SRFBP1: variants seen among roughly 807,000 people sequenced by gnomAD.
SRFBP1 encodes serum response factor-binding protein 1.
Under a neutral mutation model 45.5 loss-of-function variants are expected in SRFBP1, and 47 were observed. The observed-to-expected ratio is 1.03, with a 90% CI of 0.82 to 1.32. The LOEUF (loss-of-function observed/expected upper bound fraction) is 1.32. Among genes scored for constraint, SRFBP1 ranks in the 40% most tolerant of loss-of-function variants. The pLI is 0.00. For synonymous variants in SRFBP1, 203 were observed against 166.3 expected, an observed-to-expected ratio of 1.22 and a Z score of -1.70; for missense variants, 621 against 484.6, an observed-to-expected ratio of 1.28 and a Z score of -2.64.
chr5:121,976,664 C>G lies in SRFBP1; in HGVS notation c.198+1277C>G, dbSNP rs2112820630. Reference sequence around the variant, plus strand: ...GTCATTTTTGTAGTCTTAAATTATTCAGAGGCTTTGAGCTACTATATAATT... The same window carrying G: ...GTCATTTTTGTAGTCTTAAATTATTGAGAGGCTTTGAGCTACTATATAATT... On this transcript the variant is annotated intron_variant, in intron 3 of 7. Transcript: ENST00000339397. Among the ~76,000 whole-genome samples, 3 of 151,320 alleles carry G rather than the reference C, an allele frequency of 2.0e-5. No individual in the cohort carries two copies. In the South Asian group the frequency reaches 6.3e-4, roughly 32 times the overall value.
intron 2 of SRFBP1, among the ~76,000 whole-genome samples, chr5:122,044,514 TA>T (rs1232195266): frequency 2.0e-5 from 3 of 151,380 alleles, no homozygotes; most frequent in East Asian, 2.0e-4. Flanking sequence ...CAGCATCTAT[TA>T]TTTTTTTTTT....
chr5:121,977,799 A>G (rs1226422994), intron 3 of SRFBP1, among the ~76,000 whole-genome samples: 5 of 152,072 alleles, frequency 3.3e-5, no homozygotes, highest in Non-Finnish European at 2.9e-5. Context: ...ATTTTTAGAA[A>G]TGAGAGTTTG....
chr5:122,055,510 TAC>T (rs1561410806), intron 2 of SRFBP1, among the ~76,000 whole-genome samples: 2 of 152,322 alleles, frequency 1.3e-5, no homozygotes, highest in East Asian at 1.9e-4. Flanking sequence ...CCAAATTCTA[TAC>T]AGTTTTAAAA....
chr5:122,036,430 T>G (rs903375647), intron 2 of SRFBP1, among the ~76,000 whole-genome samples: 8 of 152,090 alleles, frequency 5.3e-5, no homozygotes, highest in African/African-American at 1.7e-4. Context: ...GAGAAATAAG[T>G]ACATCCTGAG....
chr5:122,052,153 G>A (rs780486910), intron 2 of SRFBP1, among the ~76,000 whole-genome samples: 2 of 152,184 alleles, frequency 1.3e-5, no homozygotes, highest in African/African-American at 4.8e-5. Flanking sequence ...TAGATGACCT[G>A]CCTCTTCTCT....
intron 2 of SRFBP1, among the ~76,000 whole-genome samples, chr5:122,055,495 G>A (rs1462623747): frequency 6.6e-6 from 1 of 152,160 alleles, no homozygotes; most frequent in Non-Finnish European, 1.5e-5. Flanking sequence ...AAATAATACA[G>A]CAAACCAAAT....
At chr5:122,039,511 A>G (rs922901898) in intron 2 of SRFBP1, among the ~76,000 whole-genome samples, 4 of 152,172 alleles carry the variant, frequency 2.6e-5, no homozygotes, top group Non-Finnish European at 4.4e-5. Context: ...AAGTTAGGCA[A>G]ATTCTGGCCA....
At chr5:121,970,693 T>C (rs776907990) in intron 1 of SRFBP1, among the ~76,000 whole-genome samples, 1 of 152,096 alleles carries the variant, frequency 6.6e-6, no homozygotes, top group Non-Finnish European at 1.5e-5. Context: ...AAATATATTA[T>C]GCATTTGAAA....
chr5:122,055,846 G>T (rs1580547931), intron 2 of SRFBP1, among the ~76,000 whole-genome samples: 2 of 152,278 alleles, frequency 1.3e-5, no homozygotes, highest in East Asian at 3.9e-4. Context: ...CCAGTGAAAG[G>T]AAGAAATAAA....
intron 4 of SRFBP1, among the ~76,000 whole-genome samples, chr5:122,012,336 G>A (rs961084269): frequency 1.2e-4 from 19 of 152,020 alleles, no homozygotes. Context: ...CTCTTAGAAA[G>A]AATAAAAATC....
rs753120451 is a variant in SRFBP1 at position 122,015,678 on chromosome 5, G to A, written c.271-3582G>A. ...TGGAACAGCCCCCATGGGCCAGTTT[G>A]CCAATTCCTGGTTTTGAAAATCAAA... is the stretch of plus-strand genomic sequence containing the variant. On this transcript the variant is annotated intron_variant, in intron 4 of 7. Coordinates refer to ENST00000339397, the MANE Select transcript of SRFBP1 (RefSeq NM_152546.3). 6.6e-5 allele frequency among the ~76,000 whole-genome samples: 10 copies of A among 152,338 alleles called. No homozygotes were observed. In the South Asian group the frequency reaches 1.2e-3, roughly 19 times the overall value.
At chr5:122,056,377 C>G (rs1290489033) in intron 2 of SRFBP1, among the ~76,000 whole-genome samples, 1 of 152,102 alleles carries the variant, frequency 6.6e-6, no homozygotes, top group Non-Finnish European at 1.5e-5. Flanking sequence ...TAAAATGTAG[C>G]CCTGATACAT....
At chr5:121,977,672 G>C (rs1752330423) in intron 3 of SRFBP1, among the ~76,000 whole-genome samples, 1 of 151,898 alleles carries the variant, frequency 6.6e-6, no homozygotes, top group South Asian at 2.1e-4. Flanking sequence ...TTTTTTCCTT[G>C]GCTCAGACAC....
At chr5:121,979,995 CATT>C (rs1752376970) in intron 3 of SRFBP1, among the ~76,000 whole-genome samples, 1 of 152,106 alleles carries the variant, frequency 6.6e-6, no homozygotes, top group East Asian at 1.9e-4. Context: ...AACAAAAACT[CATT>C]ATCCTATCTA....
rs1007356871 is a variant in SRFBP1 at position 121,994,582 on chromosome 5, G to A, written c.199-17G>A. On this transcript the variant is annotated splice_polypyrimidine_tract_variant and intron_variant, in intron 3 of 7. Coordinates refer to ENST00000339397, the MANE Select transcript of SRFBP1 (RefSeq NM_152546.3). Reference sequence around the variant, plus strand: ...ATAGACACATAACTAAAATTAATTTGTTTTATTCTTTCACAGGAATTGAAA... The same window carrying A: ...ATAGACACATAACTAAAATTAATTTATTTTATTCTTTCACAGGAATTGAAA... The A allele has an allele frequency of 4.5e-6, 7 of 1,556,656 alleles. No individual in the cohort carries two copies. Among genetic ancestry groups the A allele is most frequent in the Non-Finnish European group, 6.1e-6 (7 of 1,140,844 alleles).
intron 4 of SRFBP1, among the ~76,000 whole-genome samples, chr5:122,005,188 A>T (rs1207052446): frequency 2.6e-5 from 4 of 152,102 alleles, no homozygotes; most frequent in Non-Finnish European, 4.4e-5. Context: ...TATTAACCTG[A>T]TGTTTCCTTA....
chr5:122,041,542 T>C (rs1753773198), intron 2 of SRFBP1, among the ~76,000 whole-genome samples: 1 of 150,198 alleles, frequency 6.7e-6, no homozygotes, highest in Non-Finnish European at 1.5e-5. Flanking sequence ...CTTTTAGCTT[T>C]AATTTTTTTT....
rs189361322 is a variant in SRFBP1, at chr5:122,007,981, G to A, written c.271-11279G>A. ...TAAGAACCACTTCGGTACTGGGGTC[G>A]GTATATATCCTGAAGCCACTGAGGC... On this transcript the variant is annotated intron_variant, in intron 4 of 7. Coordinates refer to ENST00000339397, the MANE Select transcript of SRFBP1 (RefSeq NM_152546.3). Among the ~76,000 whole-genome samples, 85 of 151,710 alleles carry A rather than the reference G, an allele frequency of 5.6e-4. 1 individual carries two copies. Among genetic ancestry groups the A allele is most frequent in the African/African-American group, 1.9e-3 (78 of 41,380 alleles).
chr5:122,053,972 A>G (rs2152578759), intron 2 of SRFBP1, among the ~76,000 whole-genome samples: 1 of 152,266 alleles, frequency 6.6e-6, no homozygotes, highest in South Asian at 2.1e-4. Flanking sequence ...GTGGCGGGGT[A>G]GTTGGAGTGG....
Sources: allele counts gnomAD v4.1 joint callset (sites outside exome capture counted in the v4.1 genomes callset), GRCh38; gene constraint gnomAD v4.1.1; transcripts MANE v1.5; gene names NCBI Gene and HGNC (gene_info 2026-07-23, HGNC 2026-07-21).